Variants in NCK2 observed in about 807,000 individuals in gnomAD.
The protein encoded by NCK2 is NCK adaptor protein 2.
NCK2 carries 16 observed loss-of-function variants against 33.9 expected under a neutral mutation model. That is an observed-to-expected ratio of 0.47 (90% CI 0.32 to 0.72). The LOEUF (loss-of-function observed/expected upper bound fraction) is 0.72. Among genes scored for constraint, NCK2 ranks in the 30% least tolerant of loss-of-function variants. The pLI is 0.03. For missense variants in NCK2, 418 were observed against 537.3 expected, an observed-to-expected ratio of 0.78 and a Z score of 2.19; for synonymous variants, 273 against 239.9, an observed-to-expected ratio of 1.14 and a Z score of -1.27.
intron 1 of NCK2, among the ~76,000 whole-genome samples, chr2:105,795,436 ATTTAG>A (rs1195127719): frequency 6.6e-6 from 1 of 152,094 alleles, no homozygotes; most frequent in African/African-American, 2.4e-5. Context: ...GGGCCTGTTT[ATTTAG>A]TTATTTTGAA....
Position 105,824,039 on chromosome 2 carries a change from C to T in NCK2, c.-17+7426C>T, listed in dbSNP as rs148854090. Among the ~76,000 whole-genome samples the T allele has an allele frequency of 4.4e-3, 668 of 152,218 alleles. 2 individuals are homozygous for T. The highest frequency in any genetic ancestry group is 7.7e-3 in the South Asian group (37 of 4,820). Reference sequence around the variant, plus strand: ...CCTCTTGAGTGTCCTCAGGTAGGCTCTCCCTTACAGGGATGTGGCCAGGGA... The same window carrying T: ...CCTCTTGAGTGTCCTCAGGTAGGCTTTCCCTTACAGGGATGTGGCCAGGGA... On this transcript the variant is annotated intron_variant, in intron 2 of 4. Transcript: ENST00000233154.
intron 1 of NCK2, among the ~76,000 whole-genome samples, chr2:105,750,037 AAC>A (rs72315025): frequency 0.017 from 2,468 of 144,502 alleles, 32 homozygotes; most frequent in South Asian, 0.038. Flanking sequence ...AAAGCAAACA[AAC>A]ACACACACAC....
intron 2 of NCK2, among the ~76,000 whole-genome samples, chr2:105,821,724 G>A (rs1048173243): frequency 1.3e-5 from 2 of 151,920 alleles, no homozygotes; most frequent in Non-Finnish European, 1.5e-5. Context: ...AGTCGCAAAT[G>A]CAGATGTTAT....
At chr2:105,873,977 C>G (rs889734459) in intron 3 of NCK2, among the ~76,000 whole-genome samples, 1 of 152,196 alleles carries the variant, frequency 6.6e-6, no homozygotes, top group Non-Finnish European at 1.5e-5. Context: ...TGGGCCTTCC[C>G]CCATGGCCAG....
intron 3 of NCK2, among the ~76,000 whole-genome samples, chr2:105,863,311 G>A (rs79322481): frequency 6.6e-6 from 1 of 152,080 alleles, no homozygotes; most frequent in Non-Finnish European, 1.5e-5. Flanking sequence ...TGAAATGTGG[G>A]TAACAAATGC....
At chr2:105,829,448 C>CT (rs1228286183) in intron 2 of NCK2, among the ~76,000 whole-genome samples, 2 of 152,048 alleles carry the variant, frequency 1.3e-5, no homozygotes, top group Non-Finnish European at 2.9e-5. Context: ...GGATTTAAAA[C>CT]TTTTTTAACC....
intron 1 of NCK2, among the ~76,000 whole-genome samples, chr2:105,784,966 TTTTTG>T (rs1690626123): frequency 1.3e-5 from 2 of 152,068 alleles, no homozygotes; most frequent in East Asian, 1.9e-4. Flanking sequence ...TGTTTTTTCG[TTTTTG>T]TTTTGTTTTT....
At chr2:105,763,389 A>C (rs1057026853) in intron 1 of NCK2, among the ~76,000 whole-genome samples, 1 of 152,196 alleles carries the variant, frequency 6.6e-6, no homozygotes, top group East Asian at 1.9e-4. Context: ...TTTGCTGCCT[A>C]ACAGAACTCT....
chr2:105,756,434 A>C (rs1689600689), intron 1 of NCK2, among the ~76,000 whole-genome samples: 1 of 152,202 alleles, frequency 6.6e-6, no homozygotes, highest in Non-Finnish European at 1.5e-5. Context: ...AAAGTTCTGA[A>C]GTTGCAACTT....
At chr2:105,772,739 G>A (rs374196830) in intron 1 of NCK2, among the ~76,000 whole-genome samples, 3 of 152,064 alleles carry the variant, frequency 2.0e-5, no homozygotes, top group East Asian at 3.9e-4. Flanking sequence ...CTTCTTTCTG[G>A]AATTGACTTC....
intron 3 of NCK2, among the ~76,000 whole-genome samples, chr2:105,857,899 G>A (rs1677346874): frequency 6.6e-6 from 1 of 152,204 alleles, no homozygotes; most frequent in African/African-American, 2.4e-5. Flanking sequence ...TCACCATCAT[G>A]CAGTAACTTC....
At chr2:105,769,949 G>A (rs1164033464) in intron 1 of NCK2, among the ~76,000 whole-genome samples, 1 of 152,108 alleles carries the variant, frequency 6.6e-6, no homozygotes, top group Non-Finnish European at 1.5e-5. Context: ...CCTTGGCCCC[G>A]CCATGAGGTC....
chr2:105,857,264 C>A (rs190682781), intron 3 of NCK2: 1 of 152,232 alleles, frequency 6.6e-6, no homozygotes, highest in Non-Finnish European at 1.5e-5. Flanking sequence ...GAGCTGTGAT[C>A]GGTTCAGCCA....
intron 1 of NCK2, chr2:105,745,836 G>A (rs1036668329): frequency 5.9e-5 from 9 of 152,180 alleles, no homozygotes; most frequent in African/African-American, 2.2e-4. Context: ...CGGCTCTCTC[G>A]GTTTTTTTCA....
At chr2:105,744,797 G>T (rs1336719786), upstream of NCK2, 2 of 149,660 alleles carry the variant, frequency 1.3e-5, no homozygotes, top group African/African-American at 2.4e-5. Flanking sequence ...GTCACGGCGC[G>T]GCCGGGGAGG....
rs375253240 is a variant in NCK2, at chr2:105,884,088, GGT to G, written c.948+2049_948+2050del. Among the ~76,000 whole-genome samples, 358 of 152,206 alleles carry G rather than the reference GGT, an allele frequency of 2.4e-3. 1 individual carries two copies. The highest frequency in any genetic ancestry group is 7.6e-3 in the African/African-American group (316 of 41,526). ...CATGGGGATTCTGCAAGAGCCCTGA[GGT>G]GTGTGTGTGGCTTCTTTTCTCCTGA... On this transcript the variant is annotated intron_variant, in intron 4 of 4. Coordinates refer to ENST00000233154, the MANE Select transcript of NCK2 (RefSeq NM_003581.5).
intron 1 of NCK2, among the ~76,000 whole-genome samples, chr2:105,755,034 A>G (rs1046819634): frequency 5.9e-5 from 9 of 152,036 alleles, no homozygotes; most frequent in Non-Finnish European, 1.2e-4. Context: ...CATTTATCTT[A>G]ATAGTGTGTG....
In NCK2 at chr2:105,855,264, C is replaced by T. The variant is rs35817451; in HGVS notation, c.201C>T (p.Leu67=). 2.5e-3 allele frequency: 4,087 copies of T among 1,608,972 alleles called. 103 individuals carry two copies. The African/African-American group carries it at 0.046, about 18-fold the overall frequency. Reference sequence around the variant, plus strand: ...AGAACAGCCTGAAGAAGGGCTCCCTCGTGAAGAACCTGAAGGACACACTAG... The same window carrying T: ...AGAACAGCCTGAAGAAGGGCTCCCTTGTGAAGAACCTGAAGGACACACTAG... ...ERKNSLKKGS[L]VKNLKDTLGL... Residue 67 remains leucine (L), a synonymous_variant, in exon 3 of 5, where the codon CTC becomes CTT. Transcript: ENST00000233154.
intron 3 of NCK2, 122 bp from the exon 4 acceptor site, chr2:105,881,206 C>T (rs1678462203): frequency 7.4e-6 from 10 of 1,342,680 alleles, no homozygotes; most frequent in Non-Finnish European, 1.0e-5. Flanking sequence ...TTTGTAAGCA[C>T]TGTCCATGTG....
Sources: gnomAD v4.1 joint callset for allele counts (sites outside exome capture counted in the v4.1 genomes callset) on GRCh38, gnomAD v4.1.1 for gene constraint, MANE v1.5 for transcripts, NCBI Gene and HGNC (gene_info 2026-07-23, HGNC 2026-07-21) for gene names.